TAFA5: variants seen among roughly 807,000 people sequenced by gnomAD.
TAFA5 encodes the protein chemokine-like protein TAFA-5.
In TAFA5, 6 loss-of-function variants were observed where a neutral mutation model predicts 15.3. The ratio of observed to expected loss-of-function variants is 0.39; its 90% CI spans 0.21 to 0.77. The LOEUF is 0.77. TAFA5 is among the 30% of genes least tolerant of loss of function. TAFA5 has a pLI of 0.41. For missense variants in TAFA5, 161 were observed against 193.1 expected (o/e 0.83, Z 0.98); for synonymous variants, 103 against 80.7 (o/e 1.28, Z -1.48).
intron 3 of TAFA5, among the ~76,000 whole-genome samples, chr22:48,736,449 CATCCCCCCAGGAGGAATGAGAACCGCA>C (rs1569099395): frequency 0.046 from 1,080 of 23,348 alleles, 444 homozygotes; most frequent in African/African-American, 0.23. Context: ...TCCTAGGGTC[CATCCCCCCAGGAGGAATGAGAACCGCA>C]CTCCTAGGGT....
At chr22:48,683,407 A>G (rs1416602614) in intron 2 of TAFA5, among the ~76,000 whole-genome samples, 1 of 152,224 alleles carries the variant, frequency 6.6e-6, no homozygotes, top group Admixed American at 6.5e-5. Flanking sequence ...CTAACAGCCC[A>G]GTGCTCAGTT....
At chr22:48,732,211 G>A (rs6010502) in intron 3 of TAFA5, among the ~76,000 whole-genome samples, 1 of 151,914 alleles carries the variant, frequency 6.6e-6, no homozygotes, top group African/African-American at 2.4e-5. Context: ...AACGGATGGG[G>A]AGGTACTTCT....
chr22:48,657,205 A>C (rs1053733576), intron 2 of TAFA5, among the ~76,000 whole-genome samples: 6 of 152,238 alleles, frequency 3.9e-5, no homozygotes, highest in African/African-American at 1.4e-4. Flanking sequence ...AGGGGACATT[A>C]GTACCCACCA....
intron 2 of TAFA5, among the ~76,000 whole-genome samples, chr22:48,691,575 G>T (rs1222654552): frequency 6.6e-6 from 1 of 152,226 alleles, no homozygotes; most frequent in African/African-American, 2.4e-5. Context: ...AGTCGCAGTG[G>T]CATGGCTGGG....
At chr22:48,698,731 C>T (rs546245331) in intron 2 of TAFA5, among the ~76,000 whole-genome samples, 12 of 150,956 alleles carry the variant, frequency 7.9e-5, no homozygotes, top group East Asian at 2.0e-4. Flanking sequence ...GGCCCTACAG[C>T]GGGTGCCTCC....
chr22:48,647,219 G>A (rs886394609), intron 2 of TAFA5, among the ~76,000 whole-genome samples: 1 of 152,140 alleles, frequency 6.6e-6, no homozygotes, highest in Admixed American at 6.5e-5. Flanking sequence ...CCGCAGCTCC[G>A]GCCCCCATGG....
intron 1 of TAFA5, among the ~76,000 whole-genome samples, chr22:48,630,407 C>T (rs1926176133): frequency 6.6e-6 from 1 of 152,186 alleles, no homozygotes; most frequent in African/African-American, 2.4e-5. Flanking sequence ...GAGGCTTGCT[C>T]CACTGCTGCC....
rs570680264 is a variant in TAFA5 at position 48,594,433 on chromosome 22, G to A, written c.113-52164G>A. 9.8e-5 allele frequency among the ~76,000 whole-genome samples: 15 copies of A among 152,346 alleles called. 1 individual carries two copies. The East Asian group carries it at 2.5e-3, about 26-fold the overall frequency. Reference sequence around the variant, plus strand: ...GGCACACACACACGAGTGTGCACAGGCAGCCTCTGAGGGCTACGCCCACGG... The same window carrying A: ...GGCACACACACACGAGTGTGCACAGACAGCCTCTGAGGGCTACGCCCACGG... On this transcript the variant is annotated intron_variant, in intron 1 of 3. Transcript: ENST00000402357.
At chr22:48,715,804 G>T (rs970387244) in intron 3 of TAFA5, among the ~76,000 whole-genome samples, 9 of 152,260 alleles carry the variant, frequency 5.9e-5, no homozygotes, top group African/African-American at 2.2e-4. Context: ...TGGACAGTGA[G>T]TCTGGATGCT....
In TAFA5 at chr22:48,563,662, G is replaced by T. The variant is rs190719896; in HGVS notation, c.112+73958G>T. Among the ~76,000 whole-genome samples the T allele has an allele frequency of 8.0e-4, 122 of 152,318 alleles. 2 individuals carry two copies. The highest frequency in any genetic ancestry group is 1.6e-4 in the Non-Finnish European group (11 of 68,022). ...CTCCTCTGCACCCCAACAGGCTGGG[G>T]CATGGCCTCCTCCCTCTGAGCAGCA... On this transcript the variant is annotated intron_variant, in intron 1 of 3. Coordinates refer to ENST00000402357, the MANE Select transcript of TAFA5 (RefSeq NM_001082967.3).
At chr22:48,568,298 C>G (rs1336625325) in intron 1 of TAFA5, among the ~76,000 whole-genome samples, 1 of 152,248 alleles carries the variant, frequency 6.6e-6, no homozygotes, top group African/African-American at 2.4e-5. Flanking sequence ...TTTTCTATCT[C>G]TTCTATCACC....
chr22:48,668,620 C>A (rs1338426406), intron 2 of TAFA5, among the ~76,000 whole-genome samples: 1 of 77,032 alleles, frequency 1.3e-5, no homozygotes, highest in Non-Finnish European at 2.5e-5. Flanking sequence ...CTCAGGGCCG[C>A]ATCTTCACTG....
chr22:48,693,501 C>A, intron 2 of TAFA5: 3 of 1,535,864 alleles, frequency 2.0e-6, no homozygotes, highest in South Asian at 1.2e-5. Flanking sequence ...AGCCTGAGGT[C>A]CCAGAGGAGA....
intron 1 of TAFA5, among the ~76,000 whole-genome samples, chr22:48,632,432 G>A (rs1252036133): frequency 1.3e-5 from 2 of 150,754 alleles, no homozygotes; most frequent in Non-Finnish European, 2.9e-5. Flanking sequence ...TTGGTGCCAA[G>A]TTTTGGGGTG....
At chr22:48,710,776 C>T (rs368733793) in intron 3 of TAFA5, among the ~76,000 whole-genome samples, 5 of 152,266 alleles carry the variant, frequency 3.3e-5, no homozygotes, top group African/African-American at 1.2e-4. Flanking sequence ...TGCACCTGTC[C>T]GGTGCTTGGT....
chr22:48,493,122 C>G (rs1294985965), intron 1 of TAFA5, among the ~76,000 whole-genome samples: 1 of 152,204 alleles, frequency 6.6e-6, no homozygotes, highest in African/African-American at 2.4e-5. Context: ...CACCTAAGCA[C>G]TGACTCGGTC....
chr22:48,524,781 C>A (rs1338641489), intron 1 of TAFA5, among the ~76,000 whole-genome samples: 1 of 152,176 alleles, frequency 6.6e-6, no homozygotes, highest in Non-Finnish European at 1.5e-5. Flanking sequence ...GTTTACTCTG[C>A]ACCAGGAGTG....
At chr22:48,561,177 A>G (rs1353584867) in intron 1 of TAFA5, among the ~76,000 whole-genome samples, 2 of 152,082 alleles carry the variant, frequency 1.3e-5, no homozygotes, top group Non-Finnish European at 1.5e-5. Context: ...GGCTGATGAC[A>G]TCCCACATCT....
intron 2 of TAFA5, among the ~76,000 whole-genome samples, chr22:48,696,479 G>A (rs1005658863): frequency 2.6e-5 from 4 of 152,190 alleles, no homozygotes; most frequent in East Asian, 3.9e-4. Flanking sequence ...GACAGGAGGT[G>A]AAGGTGAAGG....
Sources: gnomAD v4.1 joint callset for allele counts (sites outside exome capture counted in the v4.1 genomes callset) on GRCh38, gnomAD v4.1.1 for gene constraint, MANE v1.5 for transcripts, NCBI Gene and HGNC (gene_info 2026-07-23, HGNC 2026-07-21) for gene names.